Variants in PCP4 observed in about 807,000 individuals in gnomAD.
PCP4 encodes calmodulin regulator protein PCP4.
A neutral mutation model predicts 10.0 loss-of-function variants in PCP4; 8 were observed. The ratio of observed to expected loss-of-function variants is 0.80; its 90% CI spans 0.47 to 1.45. The LOEUF (loss-of-function observed/expected upper bound fraction) is 1.45. PCP4 is among the 40% of genes most tolerant of loss of function. PCP4 has a pLI of 0.00. For synonymous variants in PCP4, 21 were observed against 23.0 expected (o/e 0.91, Z 0.24); for missense variants, 54 against 74.4 (o/e 0.73, Z 1.01).
intron 1 of PCP4, among the ~76,000 whole-genome samples, chr21:39,895,657 A>G (rs2087453372): frequency 6.6e-6 from 1 of 152,228 alleles, no homozygotes; most frequent in African/African-American, 2.4e-5. Flanking sequence ...AGGCTGATGA[A>G]GACACTAAGG....
chr21:39,884,444 G>A (rs528821793), intron 1 of PCP4, among the ~76,000 whole-genome samples: 47 of 151,866 alleles, frequency 3.1e-4, no homozygotes, highest in Admixed American at 2.0e-4. Context: ...CTCCCAAAGT[G>A]CTGGGATTAC....
chr21:39,872,706 G>A (rs921947128), intron 1 of PCP4, among the ~76,000 whole-genome samples: 3 of 152,188 alleles, frequency 2.0e-5, no homozygotes, highest in African/African-American at 7.2e-5. Flanking sequence ...TGGGCACTTG[G>A]TAAATGTCCA....
intron 2 of PCP4, among the ~76,000 whole-genome samples, chr21:39,898,930 C>T (rs2146337827): frequency 6.6e-6 from 1 of 152,144 alleles, no homozygotes; most frequent in South Asian, 2.1e-4. Context: ...TTGCTTCAGC[C>T]CTCCGGAGCA....
intron 2 of PCP4, among the ~76,000 whole-genome samples, chr21:39,928,748 G>A (rs2087636858): frequency 6.6e-6 from 1 of 152,152 alleles, no homozygotes; most frequent in Admixed American, 6.5e-5. Context: ...GAAAATACAT[G>A]AAGTGTTGAG....
chr21:39,927,306 CTATCTATCTATCTATCATCT>C (rs2087627027), intron 2 of PCP4, among the ~76,000 whole-genome samples: 1 of 118,854 alleles, frequency 8.4e-6, no homozygotes, highest in Non-Finnish European at 1.9e-5. Context: ...ATCTATCTAT[CTATCTATCTATCTATCATCT>C]ATCTATCTAT....
intron 2 of PCP4, among the ~76,000 whole-genome samples, chr21:39,920,233 G>GT (rs2087589695): frequency 6.9e-6 from 1 of 145,434 alleles, no homozygotes; most frequent in East Asian, 2.1e-4. Context: ...TGGGTGTGGT[G>GT]TGTTTGTGTG....
At chr21:39,898,375 C>T (rs1470051020) in intron 1 of PCP4, 101 bp from the exon 2 acceptor site, 4 of 940,158 alleles carry the variant, frequency 4.3e-6, no homozygotes, top group African/African-American at 1.6e-5. Context: ...TAACATAGAA[C>T]TTGATATAAT....
At chr21:39,926,703 T>C (rs1381608640) in intron 2 of PCP4, among the ~76,000 whole-genome samples, 1 of 152,250 alleles carries the variant, frequency 6.6e-6, no homozygotes, top group Non-Finnish European at 1.5e-5. Flanking sequence ...CTGGGTTTGC[T>C]AGACACTTGA....
chr21:39,886,790 T>C (rs1358595441), intron 1 of PCP4, among the ~76,000 whole-genome samples: 1 of 152,228 alleles, frequency 6.6e-6, no homozygotes, highest in Non-Finnish European at 1.5e-5. Context: ...TGAAATTATA[T>C]ATATGGCATG....
At chr21:39,920,373 GTGTT>G (rs904630032) in intron 2 of PCP4, among the ~76,000 whole-genome samples, 4 of 149,440 alleles carry the variant, frequency 2.7e-5, no homozygotes, top group African/African-American at 9.9e-5. Context: ...GGTATGATGT[GTGTT>G]TGGTGTGGTG....
At chr21:39,917,767 G>T (rs2087576217) in intron 2 of PCP4, among the ~76,000 whole-genome samples, 1 of 152,014 alleles carries the variant, frequency 6.6e-6, no homozygotes, top group African/African-American at 2.4e-5. Flanking sequence ...AGTGGTTCTG[G>T]GTTGAATTGT....
intron 1 of PCP4, among the ~76,000 whole-genome samples, chr21:39,885,926 G>A (rs1381082810): frequency 2.0e-5 from 3 of 152,168 alleles, no homozygotes; most frequent in South Asian, 2.1e-4. Context: ...GGTGTCTGCC[G>A]GGTTGGTTCC....
At chr21:39,868,956 A>C (rs938735310) in intron 1 of PCP4, among the ~76,000 whole-genome samples, 3 of 152,156 alleles carry the variant, frequency 2.0e-5, no homozygotes, top group African/African-American at 7.2e-5. Context: ...TGGAATGATG[A>C]GGATGAGACC....
rs139309966 is a variant in PCP4, at chr21:39,910,062, T to C, written c.61+11535T>C. Among the ~76,000 whole-genome samples, 934 of 152,204 alleles carry C rather than the reference T, an allele frequency of 6.1e-3. 9 individuals are homozygous for C. The highest frequency in any genetic ancestry group is 0.021 in the African/African-American group (877 of 41,544). ...CTGCCCGCCTCGGCCTCCCAAGCCTTCTTCAATATTTCTAAGGTGTGTTCT... is the reference window on the plus strand; with the variant it reads ...CTGCCCGCCTCGGCCTCCCAAGCCTCCTTCAATATTTCTAAGGTGTGTTCT... On this transcript the variant is annotated intron_variant, in intron 2 of 2. Transcript: ENST00000328619.
At chr21:39,907,933 C>T (rs1046276183) in intron 2 of PCP4, among the ~76,000 whole-genome samples, 1 of 152,130 alleles carries the variant, frequency 6.6e-6, no homozygotes, top group Non-Finnish European at 1.5e-5. Flanking sequence ...TCCATTGTAC[C>T]AAGTGCCTTT....
rs556888393 is a variant in PCP4 at position 39,917,102 on chromosome 21, G to GA, written c.62-11873dup. Among the ~76,000 whole-genome samples the GA allele has an allele frequency of 1.1e-3, 166 of 151,506 alleles. 3 individuals carry two copies. In the South Asian group the frequency reaches 0.024, roughly 22 times the overall value. ...CCTGGAGCTTAAAATAAAAATTAAA[G>GA]AAAAAAAAATTCTGGGAGGCAGAGA... is the stretch of plus-strand genomic sequence containing the variant. On this transcript the variant is annotated intron_variant, in intron 2 of 2. Transcript: ENST00000328619.
intron 2 of PCP4, among the ~76,000 whole-genome samples, chr21:39,902,403 G>A (rs1054432504): frequency 6.6e-6 from 1 of 152,182 alleles, no homozygotes; most frequent in African/African-American, 2.4e-5. Context: ...AAAGACCCAA[G>A]TCAGGTACAT....
intron 1 of PCP4, among the ~76,000 whole-genome samples, chr21:39,879,390 G>A (rs377432031): frequency 2.6e-4 from 39 of 152,150 alleles, no homozygotes; most frequent in East Asian, 1.4e-3. Flanking sequence ...CTTCTTTGCC[G>A]TCTTTAAAAA....
chr21:39,895,462 C>T (rs188576808), intron 1 of PCP4, among the ~76,000 whole-genome samples: 91 of 152,316 alleles, frequency 6.0e-4, no homozygotes, highest in African/African-American at 2.1e-3. Context: ...CCTAACTCCC[C>T]ACCCGCTGAT....
Sources: gnomAD v4.1 joint callset for allele counts (sites outside exome capture counted in the v4.1 genomes callset) on GRCh38, gnomAD v4.1.1 for gene constraint, MANE v1.5 for transcripts, NCBI Gene and HGNC (gene_info 2026-07-23, HGNC 2026-07-21) for gene names.